PSIP1: variants seen among roughly 807,000 people sequenced by gnomAD.
The protein encoded by PSIP1 is PC4 and SRSF1 interacting protein 1.
PSIP1 carries 19 observed loss-of-function variants against 74.7 expected under a neutral mutation model. The ratio of observed to expected loss-of-function variants is 0.25; its 90% CI spans 0.18 to 0.37. The LOEUF (loss-of-function observed/expected upper bound fraction) is 0.37. Ranked by LOEUF, PSIP1 falls within the 10% of genes least tolerant of loss-of-function variation. The pLI is 1.00. For synonymous variants in PSIP1, 222 were observed against 195.3 expected (o/e 1.14, Z -1.14); for missense variants, 601 against 614.3 (o/e 0.98, Z 0.23).
intron 3 of PSIP1, among the ~76,000 whole-genome samples, chr9:15,500,337 C>T (rs889299224): frequency 6.6e-6 from 1 of 151,786 alleles, no homozygotes; most frequent in African/African-American, 2.4e-5. Context: ...TGGTGGCGAG[C>T]GCCTGTAGTC....
chr9:15,493,971 C>T lies in PSIP1; in HGVS notation c.150-3847G>A, dbSNP rs137943171. Reference sequence around the variant, plus strand: ...CCAGGATGGACCCTGTACATCTCCTCCCCACATCAGTGAGTCATATAAGTC... The same window carrying T: ...CCAGGATGGACCCTGTACATCTCCTTCCCACATCAGTGAGTCATATAAGTC... On this transcript the variant is annotated intron_variant, in intron 3 of 15. Coordinates refer to ENST00000380733, the MANE Select transcript of PSIP1 (RefSeq NM_033222.5). 1.4e-4 allele frequency among the ~76,000 whole-genome samples: 21 copies of T among 152,278 alleles called. No homozygotes were observed. The East Asian group carries it at 3.9e-3, about 28-fold the overall frequency.
chr9:15,468,610 GTTGGCT>G lies in PSIP1; in HGVS notation c.1420+14_1420+19del. 6.2e-7 allele frequency: 1 copy of G among 1,607,226 alleles called. No individual in the cohort carries two copies. Among genetic ancestry groups the G allele is most frequent in the Non-Finnish European group, 8.5e-7 (1 of 1,174,064 alleles). ...ATGGTTTAAAAACTGGTGTGAAATT[GTTGGCT>G]TTTTACCACATACCTGTTTGTTCCT... On this transcript the variant is annotated intron_variant, in intron 14 of 15. Transcript: ENST00000380733.
At chr9:15,486,180 G>GT (rs1306436434) in intron 5 of PSIP1, 112 bp from the exon 6 acceptor site, 26 of 857,832 alleles carry the variant, frequency 3.0e-5, no homozygotes, top group Non-Finnish European at 4.0e-5. Context: ...GGGGAAATCT[G>GT]TTTTGCTCTG....
intron 10 of PSIP1, chr9:15,471,146 T>G: frequency 6.2e-7 from 1 of 1,606,170 alleles, no homozygotes; most frequent in Non-Finnish European, 8.5e-7. Context: ...TTTGCTCCAC[T>G]TGTATTCTCT....
chr9:15,486,766 A>T (rs2036571043), intron 5 of PSIP1, 61 bp downstream of exon 5: 2 of 1,200,398 alleles, frequency 1.7e-6, no homozygotes, highest in African/African-American at 1.5e-5. Context: ...TGGCCAACTC[A>T]TTTCATTATT....
chr9:15,499,061 A>T (rs1326783786), intron 3 of PSIP1, among the ~76,000 whole-genome samples: 1 of 152,246 alleles, frequency 6.6e-6, no homozygotes, highest in Non-Finnish European at 1.5e-5. Flanking sequence ...AAGGAAACTG[A>T]GGGATCACCA....
At chr9:15,476,126 T>C (rs2036065614) in intron 8 of PSIP1, among the ~76,000 whole-genome samples, 1 of 152,278 alleles carries the variant, frequency 6.6e-6, no homozygotes, top group Non-Finnish European at 1.5e-5. Context: ...ACTGAGTGTG[T>C]GCCCAGATAC....
Position 15,468,767 on chromosome 9 carries a change from A to C in PSIP1, c.1283T>G (p.Leu428Trp). 1 of 1,614,102 alleles carries C rather than the reference A, an allele frequency of 6.2e-7. No individual in the cohort carries two copies. ...MLYNKFKNMF[L>W]VGEGDSVITQ... ...GATCACGGAATCTCCTTCACCAACC[A>C]AGAACATGTTCTTAAACTTGTTATA... Residue 428 changes from leucine to tryptophan, a missense_variant, in exon 14 of 16, where the codon TTG becomes TGG. Physicochemically the swap from Leu to Trp is moderately conservative, Grantham distance 61. Coordinates refer to ENST00000380733, the MANE Select transcript of PSIP1 (RefSeq NM_033222.5).
intron 3 of PSIP1, among the ~76,000 whole-genome samples, chr9:15,501,840 C>CAT (rs112671758): frequency 0.057 from 7,072 of 124,406 alleles, 338 homozygotes; most frequent in African/African-American, 0.076. Flanking sequence ...TATAAAACAG[C>CAT]ATATATATAT....
intron 8 of PSIP1, among the ~76,000 whole-genome samples, chr9:15,476,782 C>T (rs144864116): frequency 1.3e-5 from 2 of 152,098 alleles, no homozygotes; most frequent in South Asian, 4.1e-4. Flanking sequence ...TATTACATTA[C>T]CAAAAGTGAC....
chr9:15,484,148 C>T (rs1379795144), intron 6 of PSIP1, among the ~76,000 whole-genome samples: 1 of 135,782 alleles, frequency 7.4e-6, no homozygotes, highest in Non-Finnish European at 1.6e-5. Flanking sequence ...AAAAAAAAAA[C>T]AAATTTATAT....
intron 9 of PSIP1, 116 bp downstream of exon 9, chr9:15,473,893 T>A (rs2035949731): frequency 4.1e-6 from 3 of 738,586 alleles, no homozygotes; most frequent in African/African-American, 2.3e-5. Context: ...ACAGCGAGAC[T>A]CCATCTCAAA....
rs565689126 is a variant in PSIP1 at position 15,469,146 on chromosome 9, G to C, written c.1105-88C>G. The C allele has an allele frequency of 5.2e-3, 7,280 of 1,389,712 alleles. 25 individuals carry two copies. Among genetic ancestry groups the C allele is most frequent in the Non-Finnish European group, 5.4e-3 (5,375 of 1,003,584 alleles). The allele number at this position is 1,389,712 out of a possible 1,614,324, so 86.1% of individuals were successfully genotyped here. Reference sequence around the variant, plus strand: ...TAAAGATCGTTTCCAAAAAAAAAGAGGTAGTGCAAAATGACCAGTAATTAT... The same window carrying C: ...TAAAGATCGTTTCCAAAAAAAAAGACGTAGTGCAAAATGACCAGTAATTAT... On this transcript the variant is annotated intron_variant, in intron 12 of 15. Coordinates refer to ENST00000380733, the MANE Select transcript of PSIP1 (RefSeq NM_033222.5).
At chr9:15,504,089 A>G (rs1031431926) in intron 3 of PSIP1, among the ~76,000 whole-genome samples, 7 of 152,222 alleles carry the variant, frequency 4.6e-5, no homozygotes, top group African/African-American at 1.4e-4. Flanking sequence ...CCAGACCAAC[A>G]TACATATGGG....
At chr9:15,505,406 A>T (rs1030067507) in intron 3 of PSIP1, 2 of 152,236 alleles carry the variant, frequency 1.3e-5, no homozygotes, top group Non-Finnish European at 2.9e-5. Context: ...CCATGGAATC[A>T]GAAACTTATC....
chr9:15,491,530 A>G (rs2036832228), intron 3 of PSIP1, among the ~76,000 whole-genome samples: 1 of 152,182 alleles, frequency 6.6e-6, no homozygotes, highest in Non-Finnish European at 1.5e-5. Context: ...ACAAATAACG[A>G]GCCTCAACTG....
At chr9:15,498,875 C>T (rs2037204881) in intron 3 of PSIP1, among the ~76,000 whole-genome samples, 1 of 151,996 alleles carries the variant, frequency 6.6e-6, no homozygotes, top group Admixed American at 6.6e-5. Flanking sequence ...ACAGAAGCTC[C>T]TTTAAAAAAT....
chr9:15,494,573 A>C (rs1334522908), intron 3 of PSIP1, among the ~76,000 whole-genome samples: 31 of 149,354 alleles, frequency 2.1e-4, no homozygotes, highest in African/African-American at 7.7e-4. Flanking sequence ...CTCAAAAAAA[A>C]AAAAAAAAAA....
In PSIP1 at chr9:15,470,830, A is replaced by C. The variant is rs184442409; in HGVS notation, c.978-837T>G. ...TATTCCAGTTTAATAACTAGCTTCA[A>C]AACAAAATGAATTTTTATATTTTCT... On this transcript the variant is annotated intron_variant, in intron 10 of 15. Coordinates refer to ENST00000380733, the MANE Select transcript of PSIP1 (RefSeq NM_033222.5). 1.9e-5 allele frequency: 20 copies of C among 1,049,106 alleles called. No homozygotes were observed. The Admixed American group carries it at 8.0e-4, about 42-fold the overall frequency. 65.0% of individuals were successfully genotyped at this position (1,049,106 alleles called of 1,614,324 possible). A position where few individuals can be genotyped will look rare whatever the true frequency, so the allele number is the denominator to read the frequency against.
Sources: gnomAD v4.1 joint callset for allele counts (sites outside exome capture counted in the v4.1 genomes callset) on GRCh38, gnomAD v4.1.1 for gene constraint, MANE v1.5 for transcripts, NCBI Gene and HGNC (gene_info 2026-07-23, HGNC 2026-07-21) for gene names.